Variants in P2RY14 observed in about 807,000 individuals in gnomAD.
P2RY14 encodes purinergic receptor P2Y14.
P2RY14 carries 2 observed loss-of-function variants against 0.9 expected under a neutral mutation model. That is an observed-to-expected ratio of 2.16 (90% confidence interval 0.88 to 6.79). P2RY14 has a LOEUF of 6.79. Among genes scored for constraint, P2RY14 ranks in the 30% most tolerant of loss-of-function variants. The probability of loss-of-function intolerance (pLI) is 0.05; values close to 1 mark genes in which losing one functional copy is unlikely to be tolerated. For missense variants in P2RY14, 378 were observed against 400.1 expected (o/e 0.94, Z 0.47); for synonymous variants, 158 against 147.2 (o/e 1.07, Z -0.53).
At chr3:151,214,928 T>G (rs1576993402) in intron 2 of P2RY14, among the ~76,000 whole-genome samples, 1 of 152,212 alleles carries the variant, frequency 6.6e-6, no homozygotes, top group Non-Finnish European at 1.5e-5. Flanking sequence ...AAAGAGAAAT[T>G]TTTATGGATT....
intron 1 of P2RY14, among the ~76,000 whole-genome samples, chr3:151,271,017 C>CA (rs56917310): frequency 0.016 from 2,257 of 143,984 alleles, 20 homozygotes; most frequent in Non-Finnish European, 0.019. Flanking sequence ...ACCCAAAAAC[C>CA]AAAAAAAAAA....
At chr3:151,262,918 C>G (rs997560221) in intron 1 of P2RY14, among the ~76,000 whole-genome samples, 30 of 152,090 alleles carry the variant, frequency 2.0e-4, no homozygotes, top group Admixed American at 7.9e-4. Flanking sequence ...AAGCATTTTG[C>G]CTGAAGACAC....
chr3:151,246,654 C>A (rs934129766), intron 1 of P2RY14, among the ~76,000 whole-genome samples: 10 of 152,096 alleles, frequency 6.6e-5, no homozygotes, highest in South Asian at 4.1e-4. Context: ...GTTAGACCTA[C>A]AACCATAAAA....
intron 1 of P2RY14, among the ~76,000 whole-genome samples, chr3:151,247,962 CTTTTTTTTT>C (rs61102632): frequency 1.3e-4 from 10 of 75,900 alleles, no homozygotes; most frequent in South Asian, 5.1e-4. Context: ...TCTTCTTCTT[CTTTTTTTTT>C]TTTTTTTTTT....
At chr3:151,247,894 A>G (rs1735989992) in intron 1 of P2RY14, among the ~76,000 whole-genome samples, 2 of 150,316 alleles carry the variant, frequency 1.3e-5, no homozygotes, top group African/African-American at 2.4e-5. Flanking sequence ...TGTTCTTATA[A>G]TGTATTCAGA....
chr3:151,255,296 A>T (rs1258380114), intron 1 of P2RY14, among the ~76,000 whole-genome samples: 2 of 152,136 alleles, frequency 1.3e-5, no homozygotes, highest in African/African-American at 4.8e-5. Flanking sequence ...ACTAATGGGT[A>T]CCCTTCATGT....
intron 1 of P2RY14, among the ~76,000 whole-genome samples, chr3:151,226,150 C>T (rs1730448594): frequency 6.6e-6 from 1 of 152,176 alleles, no homozygotes; most frequent in Non-Finnish European, 1.5e-5. Context: ...CACAGGAACA[C>T]AGTGAGCACG....
At chr3:151,277,351 A>C (rs1250487631) in intron 1 of P2RY14, among the ~76,000 whole-genome samples, 2 of 152,180 alleles carry the variant, frequency 1.3e-5, no homozygotes, top group Admixed American at 1.3e-4. Context: ...CATGTTTACA[A>C]ATCATAAAAT....
chr3:151,249,307 A>G (rs777982698), intron 1 of P2RY14, among the ~76,000 whole-genome samples: 6 of 152,150 alleles, frequency 3.9e-5, no homozygotes, highest in Non-Finnish European at 5.9e-5. Flanking sequence ...TAGCTTCTGT[A>G]TTTATTGGGA....
rs916559873 is a variant in P2RY14 at position 151,214,008 on chromosome 3, G to T, written c.309C>A (p.Val103=). The change falls in exon 3 of 3, where the codon GTC becomes GTA. Residue 103 remains valine (V), a synonymous_variant. Transcript: ENST00000309170. ...AGAACACAATGCTGACGTACATGTT[G>T]ACGTAGAAGAGCACGGCAGAGACCC... ...VCRVSAVLFY[V]NMYVSIVFFG... 6.2e-7 allele frequency: 1 copy of T among 1,613,922 alleles called. No individual in the cohort carries two copies. The highest frequency in any genetic ancestry group is 1.7e-5 in the Admixed American group (1 of 59,988).
In P2RY14 at chr3:151,213,301, C is replaced by A; in HGVS notation, c.1016G>T (p.Ter339LeuextTer24). The A allele has an allele frequency of 6.3e-7, 1 of 1,595,728 alleles. No homozygotes were observed. Among genetic ancestry groups the A allele is most frequent in the South Asian group, 1.1e-5 (1 of 87,070 alleles). The change falls in exon 3 of 3, where the codon TGA becomes TTA. Residue 339 changes from the stop codon to leucine, a stop_lost. Coordinates refer to ENST00000309170, the MANE Select transcript of P2RY14 (RefSeq NM_014879.4). ...NTTLESTDTL[*>L] is the part of the protein sequence containing the mutation. ...CTTTCTTTGGAAGAGGGTAGGAACT[C>A]ACAAAGTATCTGTGCTTTCAAGTGT...
intron 1 of P2RY14, among the ~76,000 whole-genome samples, chr3:151,272,204 G>C (rs143299255): frequency 6.6e-6 from 1 of 152,308 alleles, no homozygotes; most frequent in Non-Finnish European, 1.5e-5. Context: ...TAGATGGTTT[G>C]TGCTGTGTTT....
In P2RY14 at chr3:151,222,142, T is replaced by C. The variant is rs185128544; in HGVS notation, c.-132-2500A>G. On this transcript the variant is annotated intron_variant, in intron 1 of 2. Transcript: ENST00000309170. Reference sequence around the variant, plus strand: ...CCTTTGTTTCAGCCAGTTCCTCCCATTTGGAATGACTGCATTTACCCAATG... The same window carrying C: ...CCTTTGTTTCAGCCAGTTCCTCCCACTTGGAATGACTGCATTTACCCAATG... 2.5e-3 allele frequency among the ~76,000 whole-genome samples: 377 copies of C among 152,308 alleles called. 5 individuals carry two copies. The highest frequency in any genetic ancestry group is 8.2e-3 in the African/African-American group (342 of 41,568).
intron 1 of P2RY14, among the ~76,000 whole-genome samples, chr3:151,256,820 T>C (rs1376648147): frequency 6.6e-6 from 1 of 151,886 alleles, no homozygotes; most frequent in Non-Finnish European, 1.5e-5. Flanking sequence ...AGTCTGTTTT[T>C]TTTTTTTTCT....
At chr3:151,238,432 C>A (rs1157552727) in intron 1 of P2RY14, among the ~76,000 whole-genome samples, 1 of 152,232 alleles carries the variant, frequency 6.6e-6, no homozygotes, top group Non-Finnish European at 1.5e-5. Context: ...CAGGCGTGAG[C>A]CACCGCGCCC....
At chr3:151,229,468 G>C (rs967835285) in intron 1 of P2RY14, among the ~76,000 whole-genome samples, 60 of 137,528 alleles carry the variant, frequency 4.4e-4, no homozygotes, top group African/African-American at 1.6e-3. Flanking sequence ...CACCATGCCC[G>C]GCTAATTTTT....
intron 2 of P2RY14, among the ~76,000 whole-genome samples, chr3:151,219,191 A>G (rs1474251243): frequency 2.0e-5 from 3 of 152,216 alleles, no homozygotes; most frequent in Non-Finnish European, 4.4e-5. Context: ...GTGCAGTGTA[A>G]TATCTTAGGA....
At chr3:151,268,037 T>G (rs752116188) in intron 1 of P2RY14, among the ~76,000 whole-genome samples, 1 of 152,166 alleles carries the variant, frequency 6.6e-6, no homozygotes, top group South Asian at 2.1e-4. Context: ...CTTAGTAAAG[T>G]CTCAAGGAAA....
chr3:151,215,003 G>C (rs1468531425), intron 2 of P2RY14, among the ~76,000 whole-genome samples: 2 of 151,996 alleles, frequency 1.3e-5, no homozygotes, highest in Admixed American at 1.3e-4. Context: ...TTTTAGAAAA[G>C]TGTATTCTAC....
Sources: gnomAD v4.1 joint callset for allele counts (sites outside exome capture counted in the v4.1 genomes callset) on GRCh38, gnomAD v4.1.1 for gene constraint, MANE v1.5 for transcripts, NCBI Gene and HGNC (gene_info 2026-07-23, HGNC 2026-07-21) for gene names.